Variants in PARD3 observed in about 807,000 individuals in gnomAD.
The protein encoded by PARD3 is partitioning defective 3 homolog.
PARD3 carries 75 observed loss-of-function variants against 155.4 expected under a neutral mutation model. The ratio of observed to expected loss-of-function variants is 0.48; its 90% confidence interval spans 0.40 to 0.58. The LOEUF (loss-of-function observed/expected upper bound fraction) is 0.58, where lower values mean the gene tolerates loss of function less well. Ranked by LOEUF, PARD3 falls within the 20% of genes least tolerant of loss-of-function variation. The pLI is 0.00. For synonymous variants in PARD3, 576 were observed against 610.5 expected, an observed-to-expected ratio of 0.94 and a Z score of 0.83; for missense variants, 1,642 against 1,721.7, an observed-to-expected ratio of 0.95 and a Z score of 0.82.
chr10:34,203,443 T>C (rs1301054502), intron 22 of PARD3, among the ~76,000 whole-genome samples: 2 of 152,198 alleles, frequency 1.3e-5, no homozygotes, highest in African/African-American at 2.4e-5. Flanking sequence ...CTACGGGGAA[T>C]CGGTTCCAGG....
chr10:34,407,097 G>GCAGA (rs1259594221), intron 5 of PARD3, among the ~76,000 whole-genome samples: 1 of 152,204 alleles, frequency 6.6e-6, no homozygotes, highest in Non-Finnish European at 1.5e-5. Context: ...AAATATCAGA[G>GCAGA]CAGACATTTA....
intron 22 of PARD3, among the ~76,000 whole-genome samples, chr10:34,220,287 G>A (rs17462068): frequency 0.027 from 4,095 of 152,126 alleles, 86 homozygotes; most frequent in Non-Finnish European, 0.038. Flanking sequence ...GACATCCCGC[G>A]TTTTTAAAAA....
rs915237305 is a variant in PARD3, at chr10:34,677,100, G to A, written c.222+19218C>T. 1.5e-4 allele frequency among the ~76,000 whole-genome samples: 23 copies of A among 152,176 alleles called. 1 individual carries two copies. Among genetic ancestry groups the A allele is most frequent in the Non-Finnish European group, 2.8e-4 (19 of 68,024 alleles). On this transcript the variant is annotated intron_variant, in intron 2 of 24. Transcript: ENST00000374788. ...TGGCAGTTTCTGCGGAAGGAAGTAT[G>A]TTACATATAAAATAGAGATTTGGAA... is the stretch of plus-strand genomic sequence containing the variant.
At chr10:34,182,412 GATGT>G (rs1262573154) in intron 22 of PARD3, among the ~76,000 whole-genome samples, 2 of 152,210 alleles carry the variant, frequency 1.3e-5, no homozygotes, top group Non-Finnish European at 2.9e-5. Context: ...CTTTAGTAGA[GATGT>G]ATGTGTGTGT....
intron 22 of PARD3, among the ~76,000 whole-genome samples, chr10:34,209,911 C>T (rs992036855): frequency 6.6e-6 from 1 of 152,110 alleles, no homozygotes; most frequent in Non-Finnish European, 1.5e-5. Context: ...AAATAAGTCA[C>T]CACTTTAATA....
intron 2 of PARD3, among the ~76,000 whole-genome samples, chr10:34,566,791 T>A (rs1356149404): frequency 1.3e-5 from 2 of 152,124 alleles, no homozygotes; most frequent in Non-Finnish European, 2.9e-5. Context: ...CATTCCCACA[T>A]CAGGCCAAAT....
intron 1 of PARD3, among the ~76,000 whole-genome samples, chr10:34,814,333 G>A (rs955448139): frequency 6.6e-6 from 1 of 152,122 alleles, no homozygotes; most frequent in African/African-American, 2.4e-5. Context: ...GGGACATGGA[G>A]GAAAAGCCCC....
At chr10:34,192,378 G>T (rs547318797) in intron 22 of PARD3, among the ~76,000 whole-genome samples, 3 of 152,098 alleles carry the variant, frequency 2.0e-5, no homozygotes, top group East Asian at 1.9e-4. Context: ...GATTACAGGC[G>T]TGAGCCACCG....
intron 19 of PARD3, among the ~76,000 whole-genome samples, chr10:34,329,077 T>C (rs1835340536): frequency 6.6e-6 from 1 of 152,232 alleles, no homozygotes; most frequent in South Asian, 2.1e-4. Flanking sequence ...GAAGGACAGA[T>C]ACATGAATGA....
chr10:34,450,775 A>G (rs2077014784), intron 4 of PARD3, among the ~76,000 whole-genome samples: 1 of 152,190 alleles, frequency 6.6e-6, no homozygotes, highest in African/African-American at 2.4e-5. Flanking sequence ...AAGTACTTCT[A>G]TACAAGACTT....
intron 5 of PARD3, among the ~76,000 whole-genome samples, chr10:34,414,923 A>T (rs1038070851): frequency 6.6e-6 from 1 of 152,106 alleles, no homozygotes; most frequent in Non-Finnish European, 1.5e-5. Context: ...TCTTCCAGGG[A>T]CTCATGGAGA....
chr10:34,212,552 A>G (rs1228669529), intron 22 of PARD3, among the ~76,000 whole-genome samples: 1 of 152,122 alleles, frequency 6.6e-6, no homozygotes, highest in African/African-American at 2.4e-5. Context: ...ATAACTCCCA[A>G]TGTGTCACCA....
At chr10:34,604,041 A>G (rs1388472497) in intron 2 of PARD3, among the ~76,000 whole-genome samples, 3 of 152,176 alleles carry the variant, frequency 2.0e-5, no homozygotes, top group African/African-American at 7.2e-5. Context: ...AAATCCTCTT[A>G]AGAAGTGAGT....
intron 22 of PARD3, among the ~76,000 whole-genome samples, chr10:34,214,817 A>T (rs1951923234): frequency 6.6e-6 from 1 of 152,224 alleles, no homozygotes; most frequent in Non-Finnish European, 1.5e-5. Context: ...TTACAAAGTC[A>T]AGACATTTCA....
chr10:34,802,685 G>A (rs998437327), intron 1 of PARD3, among the ~76,000 whole-genome samples: 4 of 152,060 alleles, frequency 2.6e-5, no homozygotes, highest in Non-Finnish European at 5.9e-5. Context: ...AGGTTTCCTT[G>A]GTGACTTTTT....
intron 20 of PARD3, among the ~76,000 whole-genome samples, chr10:34,295,218 T>C (rs1054280638): frequency 2.0e-5 from 3 of 152,130 alleles, no homozygotes; most frequent in Non-Finnish European, 2.9e-5. Context: ...TCTGAAATCC[T>C]GGGGTGGGTG....
chr10:34,301,163 C>G (rs1957129368), intron 20 of PARD3, among the ~76,000 whole-genome samples: 1 of 152,154 alleles, frequency 6.6e-6, no homozygotes, highest in African/African-American at 2.4e-5. Context: ...TCAACTTGAA[C>G]AAGCATTAGC....
At chr10:34,692,766 C>T (rs1301709599) in intron 2 of PARD3, among the ~76,000 whole-genome samples, 5 of 152,108 alleles carry the variant, frequency 3.3e-5, no homozygotes, top group African/African-American at 9.7e-5. Context: ...CCCAGCTACT[C>T]GGGAGGCTGA....
chr10:34,610,404 A>G (rs1398980315), intron 2 of PARD3, among the ~76,000 whole-genome samples: 1 of 152,214 alleles, frequency 6.6e-6, no homozygotes, highest in Non-Finnish European at 1.5e-5. Flanking sequence ...AAATGCCAGT[A>G]CTCATCAAGA....
Sources: allele counts gnomAD v4.1 joint callset (sites outside exome capture counted in the v4.1 genomes callset), GRCh38; gene constraint gnomAD v4.1.1; transcripts MANE v1.5; gene names NCBI Gene and HGNC (gene_info 2026-07-23, HGNC 2026-07-21).